KCNQ5: variants seen among roughly 807,000 people sequenced by gnomAD.
The protein encoded by KCNQ5 is potassium voltage-gated channel subfamily KQT member 5.
Under a neutral mutation model 98.2 loss-of-function variants are expected in KCNQ5, and 30 were observed. The observed-to-expected ratio is 0.31, with a 90% CI of 0.23 to 0.41. The LOEUF (loss-of-function observed/expected upper bound fraction) is 0.41. Ranked by LOEUF, KCNQ5 falls within the 10% of genes least tolerant of loss-of-function variation. The pLI, the probability that KCNQ5 is intolerant of heterozygous loss-of-function variation, is 1.00. For synonymous variants in KCNQ5, 458 were observed against 449.4 expected, an observed-to-expected ratio of 1.02 and a Z score of -0.24; for missense variants, 835 against 1,182.5, an observed-to-expected ratio of 0.71 and a Z score of 4.31.
chr6:72,641,835 G>A (rs1000290458), intron 1 of KCNQ5, among the ~76,000 whole-genome samples: 3 of 151,956 alleles, frequency 2.0e-5, no homozygotes, highest in African/African-American at 7.3e-5. Flanking sequence ...TGTACTGTGT[G>A]TGCTTCTTCA....
intron 1 of KCNQ5, among the ~76,000 whole-genome samples, chr6:72,919,663 T>G (rs1780305739): frequency 6.6e-6 from 1 of 152,180 alleles, no homozygotes. Context: ...AAAAAAAAAT[T>G]AATCATAATA....
At chr6:72,722,839 G>A (rs747452870) in intron 1 of KCNQ5, among the ~76,000 whole-genome samples, 79 of 144,746 alleles carry the variant, frequency 5.5e-4, no homozygotes, top group Non-Finnish European at 9.6e-4. Context: ...GAGTATTAGG[G>A]TTTGGTTGAC....
At position 73,138,277 on chromosome 6, in the gene KCNQ5, C is replaced by A. The variant is rs866024834; in HGVS notation, c.1468+4636C>A. ...CAAGTGGAAGGTGGCAGATTGCAAG[C>A]GAGAAATGGAGCAAGCAGCCAAAAT... On this transcript the variant is annotated intron_variant, in intron 10 of 13. Transcript: ENST00000370398. Among the ~76,000 whole-genome samples the A allele has an allele frequency of 2.0e-5, 3 of 152,058 alleles. No individual in the cohort carries two copies. The South Asian group carries it at 6.2e-4, about 32-fold the overall frequency.
intron 1 of KCNQ5, chr6:72,987,830 G>A (rs1236286506): frequency 8.5e-6 from 3 of 352,266 alleles, no homozygotes; most frequent in Non-Finnish European, 1.6e-5. Flanking sequence ...AGTTTTTTTT[G>A]GTGAAAAATC....
intron 10 of KCNQ5, among the ~76,000 whole-genome samples, chr6:73,139,433 A>G (rs1002204985): frequency 1.2e-4 from 18 of 152,212 alleles, no homozygotes; most frequent in African/African-American, 3.9e-4. Context: ...TTTCCATAGT[A>G]TAATATTTGA....
intron 1 of KCNQ5, among the ~76,000 whole-genome samples, chr6:72,775,365 T>C (rs1374065209): frequency 6.6e-6 from 1 of 152,230 alleles, no homozygotes; most frequent in Non-Finnish European, 1.5e-5. Flanking sequence ...CTATTTAATG[T>C]AAATTTGGTG....
intron 1 of KCNQ5, among the ~76,000 whole-genome samples, chr6:72,674,036 G>A (rs1462935500): frequency 6.6e-6 from 1 of 151,876 alleles, no homozygotes; most frequent in African/African-American, 2.4e-5. Flanking sequence ...TTCATTATTT[G>A]TTATATTATA....
chr6:72,994,952 G>A (rs917267408), intron 1 of KCNQ5, among the ~76,000 whole-genome samples: 1 of 152,068 alleles, frequency 6.6e-6, no homozygotes, highest in African/African-American at 2.4e-5. Flanking sequence ...AATGACCAGA[G>A]AGAGAAAAAA....
intron 3 of KCNQ5, among the ~76,000 whole-genome samples, chr6:73,064,064 A>G (rs895900891): frequency 2.0e-5 from 3 of 152,192 alleles, no homozygotes; most frequent in Admixed American, 2.0e-4. Context: ...ATTCCCATCC[A>G]TAAATGTCCT....
intron 1 of KCNQ5, among the ~76,000 whole-genome samples, chr6:72,776,939 G>A (rs1773190461): frequency 6.6e-6 from 1 of 152,168 alleles, no homozygotes; most frequent in Non-Finnish European, 1.5e-5. Flanking sequence ...TGAGCCTTTG[G>A]AAGATGGGTG....
chr6:72,862,801 A>G (rs1381601156), intron 1 of KCNQ5, among the ~76,000 whole-genome samples: 1 of 151,912 alleles, frequency 6.6e-6, no homozygotes, highest in African/African-American at 2.4e-5. Context: ...CTAAGTTTTT[A>G]ATTTTTTGTA....
chr6:73,109,947 G>A (rs1291919505), intron 6 of KCNQ5, among the ~76,000 whole-genome samples: 5 of 152,164 alleles, frequency 3.3e-5, no homozygotes, highest in Non-Finnish European at 7.4e-5. Flanking sequence ...GTACTCAGAA[G>A]TGTGGAATCT....
intron 1 of KCNQ5, among the ~76,000 whole-genome samples, chr6:72,670,482 T>C (rs1205047142): frequency 3.3e-5 from 5 of 152,196 alleles, no homozygotes; most frequent in Non-Finnish European, 7.4e-5. Context: ...TTTTTTTGTT[T>C]TTAGGTACTT....
At chr6:72,953,894 A>G (rs1766922659) in intron 1 of KCNQ5, among the ~76,000 whole-genome samples, 1 of 152,154 alleles carries the variant, frequency 6.6e-6, no homozygotes, top group African/African-American at 2.4e-5. Context: ...AGCACAGCCA[A>G]TATTTCACTC....
intron 3 of KCNQ5, among the ~76,000 whole-genome samples, chr6:73,067,905 T>TAA (rs1554204090): frequency 2.6e-3 from 40 of 15,602 alleles, no homozygotes; most frequent in African/African-American, 8.8e-3. Flanking sequence ...TATATATATA[T>TAA]AACTAAAATT....
chr6:72,702,164 C>G (rs576518667), intron 1 of KCNQ5, among the ~76,000 whole-genome samples: 9 of 152,286 alleles, frequency 5.9e-5, no homozygotes, highest in African/African-American at 1.4e-4. Flanking sequence ...TTTCTTAGCC[C>G]ATCTTCTTAA....
intron 1 of KCNQ5, among the ~76,000 whole-genome samples, chr6:72,773,596 C>T (rs7746825): frequency 0.6 from 90,610 of 151,898 alleles, 27,024 homozygotes; most frequent in Admixed American, 0.63. Flanking sequence ...GAACTTAAAG[C>T]ACAATTAAAA....
chr6:72,790,078 T>G (rs1034720004), intron 1 of KCNQ5, among the ~76,000 whole-genome samples: 12 of 152,222 alleles, frequency 7.9e-5, no homozygotes, highest in African/African-American at 2.9e-4. Context: ...CGGGCATGTC[T>G]CTCCAGAATT....
chr6:73,174,027 T>G (rs1562219995), intron 11 of KCNQ5, among the ~76,000 whole-genome samples: 4 of 152,008 alleles, frequency 2.6e-5, no homozygotes. Context: ...AAAGCTTACC[T>G]GCTTCTTACC....
Sources: allele counts gnomAD v4.1 joint callset (sites outside exome capture counted in the v4.1 genomes callset), GRCh38; gene constraint gnomAD v4.1.1; transcripts MANE v1.5; gene names NCBI Gene and HGNC (gene_info 2026-07-23, HGNC 2026-07-21).